The following PLXNA4 variants were observed in gnomAD, a reference collection of about 807,000 sequenced individuals.
PLXNA4 encodes plexin A4, also known as plexin-A4.
A neutral mutation model predicts 191.8 loss-of-function variants in PLXNA4; 44 were observed. The ratio of observed to expected loss-of-function variants is 0.23; its 90% CI spans 0.18 to 0.29. The LOEUF is 0.29. Ranked by LOEUF, PLXNA4 falls within the 10% of genes least tolerant of loss-of-function variation. The probability of loss-of-function intolerance (pLI) is 1.00; values close to 1 mark genes in which losing one functional copy is unlikely to be tolerated. For synonymous variants in PLXNA4, 1,082 were observed against 1,009.5 expected (o/e 1.07, Z -1.36); for missense variants, 1,800 against 2,488.8 (o/e 0.72, Z 5.89).
At chr7:132,174,040 A>T (rs1796373395) in intron 21 of PLXNA4, among the ~76,000 whole-genome samples, 1 of 152,210 alleles carries the variant, frequency 6.6e-6, no homozygotes, top group African/African-American at 2.4e-5. Context: ...AAATGAATGA[A>T]AGCATGCAAA....
At chr7:132,163,374 C>G (rs1796006619) in intron 24 of PLXNA4, among the ~76,000 whole-genome samples, 5 of 152,222 alleles carry the variant, frequency 3.3e-5, no homozygotes, top group Admixed American at 3.3e-4. Context: ...CACAACTTCA[C>G]TCTGAGCAAC....
Position 132,168,489 on chromosome 7 carries a change from G to A in PLXNA4, c.4101C>T (p.Ser1367=). Residue 1367 remains serine, a synonymous_variant, in exon 22 of 32, where the codon TCC becomes TCT. Transcript: ENST00000321063. ...QLINNKVFLL[S]FIRTLESQRS... ...GCTGGGACTCAAGCGTGCGGATGAA[G>A]GACAGCAGGAACACCTTGTTGTTGA... 1.2e-6 allele frequency: 2 copies of A among 1,613,834 alleles called. No individual in the cohort carries two copies. The highest frequency in any genetic ancestry group is 1.7e-6 in the Non-Finnish European group (2 of 1,179,816).
At chr7:132,500,479 G>GAGGGGA (rs986111104) in intron 2 of PLXNA4, among the ~76,000 whole-genome samples, 1 of 151,750 alleles carries the variant, frequency 6.6e-6, no homozygotes, top group Non-Finnish European at 1.5e-5. Flanking sequence ...GAAGGAGGGG[G>GAGGGGA]AGGGGAAGGG....
intron 3 of PLXNA4, among the ~76,000 whole-genome samples, chr7:132,368,610 A>T (rs1356967125): frequency 6.6e-6 from 1 of 152,208 alleles, no homozygotes; most frequent in African/African-American, 2.4e-5. Flanking sequence ...TGCGGCTCAC[A>T]GCACCTGATG....
rs1794754737 is a variant in PLXNA4, at chr7:132,125,830, G to A, written c.*4649C>T. 1 of 152,238 alleles carries A rather than the reference G, an allele frequency of 6.6e-6. No individual in the cohort carries two copies. Among genetic ancestry groups the A allele is most frequent in the Non-Finnish European group, 1.5e-5 (1 of 68,146 alleles). The allele number at this position is 152,238 out of a possible 1,614,324, so 9.4% of individuals were successfully genotyped here. A position where few individuals can be genotyped will look rare whatever the true frequency, so the allele number is the denominator to read the frequency against. On this transcript the variant is annotated 3_prime_UTR_variant, in exon 32 of 32. Transcript: ENST00000321063. ...GAGCTCCTGGAGGTGACTCAGTCAT[G>A]GAAAGACCCCTTGAAGGCCTTGAAG...
intron 2 of PLXNA4, among the ~76,000 whole-genome samples, chr7:132,621,257 T>G (rs1036364632): frequency 8.9e-6 from 1 of 111,762 alleles, no homozygotes; most frequent in African/African-American, 3.2e-5. Context: ...TTTTTTTTTT[T>G]TGGTTTTTTT....
chr7:132,212,293 A>G (rs1020405110), intron 9 of PLXNA4, among the ~76,000 whole-genome samples: 1 of 152,208 alleles, frequency 6.6e-6, no homozygotes, highest in Non-Finnish European at 1.5e-5. Flanking sequence ...TCAGCAGAGT[A>G]AGGCAGAAAG....
chr7:132,300,851 C>G (rs1396951751), intron 3 of PLXNA4, among the ~76,000 whole-genome samples: 1 of 152,236 alleles, frequency 6.6e-6, no homozygotes, highest in African/African-American at 2.4e-5. Context: ...GCTGGCGGAA[C>G]TAAGCTCCAT....
chr7:132,431,638 C>T (rs1439561742), intron 3 of PLXNA4, among the ~76,000 whole-genome samples: 2 of 152,168 alleles, frequency 1.3e-5, no homozygotes, highest in Non-Finnish European at 2.9e-5. Context: ...CAAGAGGGCT[C>T]ACTTTTGGGA....
Position 132,561,599 on chromosome 7 carries a change from C to T in PLXNA4, c.-87+14823G>A, listed in dbSNP as rs1801083177. On this transcript the variant is annotated intron_variant, in intron 1 of 31. Coordinates refer to ENST00000321063, the MANE Select transcript of PLXNA4 (RefSeq NM_020911.2). Reference sequence around the variant, plus strand: ...CCTCCTCCTCTTCCTCCTTCTCTTCCTCCTCCTTCTCTTCCTCCTCCTCCT... The same window carrying T: ...CCTCCTCCTCTTCCTCCTTCTCTTCTTCCTCCTTCTCTTCCTCCTCCTCCT... 2.6e-5 allele frequency among the ~76,000 whole-genome samples: 3 copies of T among 115,078 alleles called. No homozygotes were observed. The South Asian group carries it at 1.0e-3, about 39-fold the overall frequency. 75.5% of individuals were successfully genotyped at this position (115,078 alleles called of 152,430 possible).
At chr7:132,400,275 C>A (rs1032819398) in intron 3 of PLXNA4, among the ~76,000 whole-genome samples, 5 of 152,138 alleles carry the variant, frequency 3.3e-5, no homozygotes, top group African/African-American at 1.2e-4. Flanking sequence ...AAGGACTCCA[C>A]TTTCTCTAAG....
intron 2 of PLXNA4, among the ~76,000 whole-genome samples, chr7:132,612,026 T>A (rs960036984): frequency 6.6e-6 from 1 of 152,180 alleles, no homozygotes; most frequent in Non-Finnish European, 1.5e-5. Context: ...TAGGTCAAGA[T>A]TGCTGTTTTG....
chr7:132,151,510 A>G, intron 25 of PLXNA4, among the ~76,000 whole-genome samples: 1 of 76,106 alleles, frequency 1.3e-5, no homozygotes, highest in Non-Finnish European at 2.4e-5. Context: ...GAGGAGGAGG[A>G]GAAAGGAGGA....
chr7:132,212,175 G>A (rs751407), intron 9 of PLXNA4, among the ~76,000 whole-genome samples: 25,564 of 152,176 alleles, frequency 0.17, 2,284 homozygotes, highest in South Asian at 0.19. Flanking sequence ...TCCTGGGCAG[G>A]TTGATCATCA....
At chr7:132,563,295 TTCTCTTC>T (rs1801429616) in intron 1 of PLXNA4, among the ~76,000 whole-genome samples, 1 of 101,204 alleles carries the variant, frequency 9.9e-6, no homozygotes, top group Non-Finnish European at 2.0e-5. Context: ...TCCTCCTCCT[TTCTCTTC>T]CTCCTCCTTC....
chr7:132,320,330 T>C (rs970189977), intron 3 of PLXNA4, among the ~76,000 whole-genome samples: 3 of 152,210 alleles, frequency 2.0e-5, no homozygotes, highest in African/African-American at 7.2e-5. Context: ...CCTTGGCTTG[T>C]GGCAGCATCA....
chr7:132,316,956 T>C (rs1256943120), intron 3 of PLXNA4, among the ~76,000 whole-genome samples: 1 of 152,092 alleles, frequency 6.6e-6, no homozygotes, highest in Non-Finnish European at 1.5e-5. Flanking sequence ...TGTGCTGCAT[T>C]GGGTTAGGTT....
chr7:132,468,344 T>G (rs1305256572), intron 3 of PLXNA4, among the ~76,000 whole-genome samples: 1 of 152,132 alleles, frequency 6.6e-6, no homozygotes, highest in African/African-American at 2.4e-5. Context: ...CAGTTACTAT[T>G]TTGTAAATTG....
intron 1 of PLXNA4, among the ~76,000 whole-genome samples, chr7:132,563,123 TCTC>T (rs1213572733): frequency 9.1e-4 from 37 of 40,586 alleles, no homozygotes; most frequent in Non-Finnish European, 1.3e-3. Flanking sequence ...TCCTCCTCCT[TCTC>T]CTCCTCCTCC....
Sources: gnomAD v4.1 joint callset for allele counts (sites outside exome capture counted in the v4.1 genomes callset) on GRCh38, gnomAD v4.1.1 for gene constraint, MANE v1.5 for transcripts, NCBI Gene and HGNC (gene_info 2026-07-23, HGNC 2026-07-21) for gene names.